Variants in SH3PXD2A observed in about 807,000 individuals in gnomAD.
The protein encoded by SH3PXD2A is SH3 and PX domains 2A, also known as SH3 and PX domain-containing protein 2A.
SH3PXD2A carries 32 observed loss-of-function variants against 115.2 expected under a neutral mutation model. The ratio of observed to expected loss-of-function variants is 0.28; its 90% confidence interval spans 0.21 to 0.37. The LOEUF (loss-of-function observed/expected upper bound fraction) is 0.37, where lower values mean the gene tolerates loss of function less well. Ranked by LOEUF, SH3PXD2A falls within the 10% of genes least tolerant of loss-of-function variation. SH3PXD2A has a pLI of 1.00. For synonymous variants in SH3PXD2A, 610 were observed against 629.1 expected (o/e 0.97, Z 0.45); for missense variants, 1,328 against 1,498.7 (o/e 0.89, Z 1.88).
intron 8 of SH3PXD2A, among the ~76,000 whole-genome samples, chr10:103,638,560 G>A (rs1286335194): frequency 6.6e-6 from 1 of 152,252 alleles, no homozygotes; most frequent in African/African-American, 2.4e-5. Flanking sequence ...GGGCGCCAGA[G>A]CCAGGCTGCC....
rs560673196 is a variant in SH3PXD2A at position 103,720,706 on chromosome 10, G to A, written c.398+3564C>T. The stretch of plus-strand genomic sequence containing the variant: ...TGTTTATGTTCTAGGCTGGAGGGAA[G>A]GGAGGTGCACAGTCGCCTGGAAAGG... On this transcript the variant is annotated intron_variant, in intron 5 of 14. Coordinates refer to ENST00000369774, the MANE Select transcript of SH3PXD2A (RefSeq NM_001394015.1). Among the ~76,000 whole-genome samples the A allele has an allele frequency of 1.0e-3, 158 of 152,384 alleles. No homozygotes were observed. In the Middle Eastern group the frequency reaches 0.014, roughly 13 times the overall value.
At chr10:103,833,530 T>C (rs1440907175) in intron 1 of SH3PXD2A, among the ~76,000 whole-genome samples, 1 of 152,146 alleles carries the variant, frequency 6.6e-6, no homozygotes, top group Admixed American at 6.5e-5. Context: ...TTGTTTGAAG[T>C]GGCGAAAAAG....
intron 1 of SH3PXD2A, among the ~76,000 whole-genome samples, chr10:103,816,468 A>C (rs2039324753): frequency 6.6e-6 from 1 of 152,250 alleles, no homozygotes; most frequent in Admixed American, 6.5e-5. Context: ...ATCATTTCAC[A>C]TGCACTGGGA....
intron 2 of SH3PXD2A, among the ~76,000 whole-genome samples, chr10:103,771,190 C>T (rs2038815312): frequency 6.6e-6 from 1 of 152,194 alleles, no homozygotes; most frequent in Non-Finnish European, 1.5e-5. Flanking sequence ...AGACCTCACC[C>T]AAGGTGCTAT....
At chr10:103,694,137 A>C (rs2037796525) in intron 5 of SH3PXD2A, among the ~76,000 whole-genome samples, 2 of 152,228 alleles carry the variant, frequency 1.3e-5, no homozygotes, top group Admixed American at 1.3e-4. Flanking sequence ...CTCAGGGAAC[A>C]GTGGAGGGGC....
intron 2 of SH3PXD2A, among the ~76,000 whole-genome samples, chr10:103,790,895 A>C (rs1273031162): frequency 6.6e-6 from 1 of 152,208 alleles, no homozygotes; most frequent in Non-Finnish European, 1.5e-5. Context: ...AAAACTTATA[A>C]TTCCACCACT....
chr10:103,727,508 C>T (rs747913325), intron 4 of SH3PXD2A, among the ~76,000 whole-genome samples: 17 of 152,052 alleles, frequency 1.1e-4, no homozygotes, highest in South Asian at 2.1e-4. Flanking sequence ...AAGTCATTGC[C>T]GGGTGACCAC....
Position 103,598,219 on chromosome 10 carries a change from G to A in SH3PXD2A, c.*3597C>T, listed in dbSNP as rs11191740. 0.43 allele frequency: 65,334 copies of A among 152,624 alleles called. 14,249 individuals carry two copies. Among genetic ancestry groups the A allele is most frequent in the South Asian group, 0.57 (2,765 of 4,824 alleles). The allele number at this position is 152,624 out of a possible 1,614,324, so 9.5% of individuals were successfully genotyped here. Reference sequence around the variant, plus strand: ...GGGCTGAGGCCTGGCAAGACAGCCCGTCTACAGTCATTGGACATAGGGGAA... The same window carrying A: ...GGGCTGAGGCCTGGCAAGACAGCCCATCTACAGTCATTGGACATAGGGGAA... On this transcript the variant is annotated 3_prime_UTR_variant, in exon 15 of 15. Coordinates refer to ENST00000369774, the MANE Select transcript of SH3PXD2A (RefSeq NM_001394015.1).
chr10:103,831,439 A>T (rs901469995), intron 1 of SH3PXD2A, among the ~76,000 whole-genome samples: 3 of 152,174 alleles, frequency 2.0e-5, no homozygotes, highest in African/African-American at 7.2e-5. Flanking sequence ...TGGCCAGGTG[A>T]CCTCTTTGGC....
intron 1 of SH3PXD2A, among the ~76,000 whole-genome samples, chr10:103,845,161 C>CA (rs1049547339): frequency 6.9e-6 from 1 of 145,978 alleles, no homozygotes; most frequent in African/African-American, 2.5e-5. Context: ...CCATCTCCAC[C>CA]AAAAAAAAAA....
chr10:103,606,931 G>A (rs1282508897), intron 13 of SH3PXD2A, among the ~76,000 whole-genome samples: 1 of 152,166 alleles, frequency 6.6e-6, no homozygotes, highest in Non-Finnish European at 1.5e-5. Context: ...TCTGGGAAGT[G>A]AGGAGCGTCT....
In SH3PXD2A at chr10:103,602,988, C is replaced by A; in HGVS notation, c.2230G>T (p.Ala744Ser). The change falls in exon 15 of 15, where the codon GCT becomes TCT. Residue 744 changes from alanine (A) to serine (S), a missense_variant. Coordinates refer to ENST00000369774, the MANE Select transcript of SH3PXD2A (RefSeq NM_001394015.1). ...VRAKKDADANAGLTSCPRAKP... is the reference protein window; with the variant it reads ...VRAKKDADANSGLTSCPRAKP... ...GCCCGGGGACAGGAGGTCAGCCCAGCGTTCGCATCAGCATCCTTCTTTGCC... is the reference window on the plus strand; with the variant it reads ...GCCCGGGGACAGGAGGTCAGCCCAGAGTTCGCATCAGCATCCTTCTTTGCC... 6.2e-7 allele frequency: 1 copy of A among 1,614,184 alleles called. No individual in the cohort carries two copies. Among genetic ancestry groups the A allele is most frequent in the Non-Finnish European group, 8.5e-7 (1 of 1,180,042 alleles).
chr10:103,667,069 C>G (rs898063214), intron 7 of SH3PXD2A, among the ~76,000 whole-genome samples: 24 of 152,174 alleles, frequency 1.6e-4, no homozygotes, highest in African/African-American at 5.6e-4. Context: ...CCAACATCAG[C>G]CCTTACCTCT....
Position 103,602,464 on chromosome 10 carries a change from C to A in SH3PXD2A, c.2754G>T (p.Gln918His). ...CCAGGCTGTCTGATTTGCCTTCGTT[C>A]TGCCTGCCCTTGGCGGGCACTGTGT... The part of the protein sequence containing the change: ...ELDTVPAKGR[Q>H]NEGKSDSLEK... Residue 918 changes from glutamine (Q) to histidine (H), a missense_variant, in exon 15 of 15, where the codon CAG becomes CAT. Physicochemically the swap from Gln to His is conservative, Grantham distance 24 (BLOSUM62 0). Transcript: ENST00000369774. The A allele has an allele frequency of 6.2e-7, 1 of 1,614,162 alleles. No homozygotes were observed. Among genetic ancestry groups the A allele is most frequent in the Non-Finnish European group, 8.5e-7 (1 of 1,180,014 alleles).
chr10:103,819,714 T>C (rs1362098075), intron 1 of SH3PXD2A, among the ~76,000 whole-genome samples: 1 of 151,482 alleles, frequency 6.6e-6, no homozygotes, highest in Non-Finnish European at 1.5e-5. Context: ...GAGGAATAGA[T>C]GAGCATGTGA....
At chr10:103,725,190 C>A (rs2038225571) in intron 4 of SH3PXD2A, among the ~76,000 whole-genome samples, 1 of 152,080 alleles carries the variant, frequency 6.6e-6, no homozygotes, top group Admixed American at 6.5e-5. Context: ...AGCGATCAAG[C>A]ATGTTGGTTT....
intron 2 of SH3PXD2A, among the ~76,000 whole-genome samples, chr10:103,791,644 C>A (rs1022943565): frequency 1.3e-5 from 2 of 151,962 alleles, no homozygotes; most frequent in African/African-American, 4.8e-5. Context: ...GATGCTCTAT[C>A]CCCGCTGCCA....
chr10:103,718,760 GACACACACACACAC>G (rs55844048), intron 5 of SH3PXD2A, among the ~76,000 whole-genome samples: 16 of 128,418 alleles, frequency 1.2e-4, no homozygotes, highest in East Asian at 9.5e-4. Context: ...CCCCAATCAG[GACACACACACACAC>G]ACACACACAC....
intron 1 of SH3PXD2A, among the ~76,000 whole-genome samples, chr10:103,845,859 T>A (rs1338552783): frequency 2.6e-5 from 4 of 152,172 alleles, no homozygotes; most frequent in Non-Finnish European, 5.9e-5. Context: ...AGGTTCTCCA[T>A]CAGGGACCAC....
Sources: allele counts gnomAD v4.1 joint callset (sites outside exome capture counted in the v4.1 genomes callset), GRCh38; gene constraint gnomAD v4.1.1; transcripts MANE v1.5; gene names NCBI Gene and HGNC (gene_info 2026-07-23, HGNC 2026-07-21).